LRP1B: variants seen among roughly 807,000 people sequenced by gnomAD.
LRP1B encodes low-density lipoprotein receptor-related protein 1B.
Under a neutral mutation model 556.6 loss-of-function variants are expected in LRP1B, and 217 were observed. The observed-to-expected ratio is 0.39, with a 90% CI of 0.35 to 0.44. LRP1B has a LOEUF of 0.44. Among genes scored for constraint, LRP1B ranks in the 20% least tolerant of loss-of-function variants. LRP1B has a pLI of 1.00. For missense variants in LRP1B, 5,053 were observed against 5,620.8 expected (o/e 0.90, Z 3.23); for synonymous variants, 2,047 against 1,865.8 (o/e 1.10, Z -2.50).
At chr2:140,741,856 C>T (rs1306406891) in intron 35 of LRP1B, among the ~76,000 whole-genome samples, 4 of 152,090 alleles carry the variant, frequency 2.6e-5, no homozygotes, top group African/African-American at 9.7e-5. Flanking sequence ...TGAGAACATG[C>T]ACTATTTGGT....
intron 1 of LRP1B, among the ~76,000 whole-genome samples, chr2:141,986,847 CAACAA>C (rs1158977060): frequency 6.6e-6 from 1 of 151,910 alleles, no homozygotes; most frequent in African/African-American, 2.4e-5. Context: ...CTGATCTTCA[CAACAA>C]TACAAGCATC....
intron 79 of LRP1B, among the ~76,000 whole-genome samples, chr2:140,328,663 A>G (rs1197440718): frequency 1.3e-5 from 2 of 152,070 alleles, no homozygotes; most frequent in Non-Finnish European, 2.9e-5. Context: ...GTGAATTACC[A>G]TATTCTTGAT....
chr2:140,480,992 A>G (rs11884977), intron 59 of LRP1B, among the ~76,000 whole-genome samples: 7,314 of 151,692 alleles, frequency 0.048, 215 homozygotes, highest in African/African-American at 0.052. Context: ...TCAGCCTCCC[A>G]GGTAGCTGGG....
At chr2:141,648,285 G>C (rs921957161) in intron 2 of LRP1B, among the ~76,000 whole-genome samples, 5 of 151,916 alleles carry the variant, frequency 3.3e-5, no homozygotes. Context: ...CAAAGTATCA[G>C]ACTATTTCAC....
At chr2:142,009,089 CA>C (rs1438494381) in intron 1 of LRP1B, among the ~76,000 whole-genome samples, 2 of 151,972 alleles carry the variant, frequency 1.3e-5, no homozygotes, top group Non-Finnish European at 2.9e-5. Context: ...AGCACACATT[CA>C]AAAAAAGAAA....
At chr2:141,377,936 T>C (rs1047257474) in intron 3 of LRP1B, among the ~76,000 whole-genome samples, 1 of 152,178 alleles carries the variant, frequency 6.6e-6, no homozygotes, top group African/African-American at 2.4e-5. Flanking sequence ...TTTTAAGATA[T>C]AAGGACAATC....
chr2:141,656,284 T>C (rs1690005989), intron 2 of LRP1B, among the ~76,000 whole-genome samples: 2 of 152,286 alleles, frequency 1.3e-5, no homozygotes, highest in South Asian at 2.1e-4. Flanking sequence ...AAAACTATCA[T>C]AGGTTCATCA....
At chr2:141,975,799 G>A (rs1252873873) in intron 1 of LRP1B, among the ~76,000 whole-genome samples, 5 of 152,122 alleles carry the variant, frequency 3.3e-5, no homozygotes, top group East Asian at 1.9e-4. Context: ...AATCTCTGAA[G>A]CATTCAACTG....
intron 5 of LRP1B, among the ~76,000 whole-genome samples, 192 bp downstream of exon 5, chr2:141,247,034 G>T (rs1684092602): frequency 6.6e-6 from 1 of 152,140 alleles, no homozygotes; most frequent in Middle Eastern, 3.2e-3. Context: ...GTAATGGAAG[G>T]AGTTTTATAA....
chr2:141,112,331 T>C lies in LRP1B; in HGVS notation c.1014-50058A>G, dbSNP rs569170768. On this transcript the variant is annotated intron_variant, in intron 7 of 90. Coordinates refer to ENST00000389484, the MANE Select transcript of LRP1B (RefSeq NM_018557.3). The stretch of plus-strand genomic sequence containing the variant: ...TCTGCCTTCTTTGCTTCAGCTTTCA[T>C]ACTGTGAATGTTTCCTTTTCACAGT... Among the ~76,000 whole-genome samples, 34 of 152,306 alleles carry C rather than the reference T, an allele frequency of 2.2e-4. No homozygotes were observed. The South Asian group carries it at 5.8e-3, about 26-fold the overall frequency.
intron 2 of LRP1B, among the ~76,000 whole-genome samples, chr2:141,790,642 C>G (rs143408240): frequency 1.5e-3 from 230 of 151,092 alleles, no homozygotes; most frequent in Middle Eastern, 0.01. Flanking sequence ...CCTACATTCT[C>G]CCTCATTAAC....
intron 55 of LRP1B, among the ~76,000 whole-genome samples, chr2:140,498,727 T>A (rs1319454477): frequency 6.6e-6 from 1 of 151,860 alleles, no homozygotes; most frequent in African/African-American, 2.4e-5. Flanking sequence ...TACATAAAGC[T>A]TTTTACTCAG....
intron 1 of LRP1B, among the ~76,000 whole-genome samples, chr2:142,107,170 G>A (rs1057096579): frequency 6.6e-6 from 1 of 152,062 alleles, no homozygotes; most frequent in African/African-American, 2.4e-5. Context: ...CAGTTTCTGG[G>A]TTAAAATAAA....
intron 2 of LRP1B, among the ~76,000 whole-genome samples, chr2:141,639,404 A>ACAC (rs1689243773): frequency 2.1e-5 from 1 of 46,738 alleles, no homozygotes; most frequent in African/African-American, 5.7e-5. Context: ...ATATATATAT[A>ACAC]TGTGTATATA....
intron 6 of LRP1B, among the ~76,000 whole-genome samples, chr2:141,204,351 G>A (rs1298299849): frequency 6.6e-6 from 1 of 152,052 alleles, no homozygotes; most frequent in Non-Finnish European, 1.5e-5. Flanking sequence ...ATAACACTGA[G>A]GCATCCTGAA....
At chr2:141,046,165 G>A (rs949829696) in intron 11 of LRP1B, among the ~76,000 whole-genome samples, 1 of 152,094 alleles carries the variant, frequency 6.6e-6, no homozygotes, top group African/African-American at 2.4e-5. Flanking sequence ...CATAAAAGAT[G>A]TCCAAGATAT....
At chr2:141,046,411 T>G (rs2105441082) in intron 11 of LRP1B, among the ~76,000 whole-genome samples, 1 of 152,270 alleles carries the variant, frequency 6.6e-6, no homozygotes, top group East Asian at 1.9e-4. Flanking sequence ...AGTCTCTGCT[T>G]TGACACGTTA....
At chr2:140,974,900 A>T (rs1393199210) in intron 18 of LRP1B, among the ~76,000 whole-genome samples, 4 of 152,180 alleles carry the variant, frequency 2.6e-5, no homozygotes, top group African/African-American at 9.7e-5. Flanking sequence ...ATCATTCATG[A>T]AATTGTGTGG....
At chr2:141,025,947 G>T (rs564775223) in intron 11 of LRP1B, among the ~76,000 whole-genome samples, 2 of 151,996 alleles carry the variant, frequency 1.3e-5, no homozygotes, top group African/African-American at 2.4e-5. Context: ...CTAGAGATAC[G>T]CAAGGGGCAT....
Sources: gnomAD v4.1 joint callset for allele counts (sites outside exome capture counted in the v4.1 genomes callset) on GRCh38, gnomAD v4.1.1 for gene constraint, MANE v1.5 for transcripts, NCBI Gene and HGNC (gene_info 2026-07-23, HGNC 2026-07-21) for gene names.